Variants in EBF2 observed in about 807,000 individuals in gnomAD.
EBF2 encodes the protein transcription factor COE2.
EBF2 carries 21 observed loss-of-function variants against 72.8 expected under a neutral mutation model. That is an observed-to-expected ratio of 0.29 (90% CI 0.20 to 0.42). The LOEUF (loss-of-function observed/expected upper bound fraction) is 0.42, where lower values mean the gene tolerates loss of function less well. Among genes scored for constraint, EBF2 ranks in the 10% least tolerant of loss-of-function variants. The pLI is 1.00. For synonymous variants in EBF2, 299 were observed against 274.2 expected (o/e 1.09, Z -0.89); for missense variants, 637 against 731.2 (o/e 0.87, Z 1.49).
chr8:26,033,209 A>C, intron 5 of EBF2, 56 bp from the exon 6 acceptor site: 1 of 1,537,026 alleles, frequency 6.5e-7, no homozygotes, highest in Non-Finnish European at 9.0e-7. Context: ...AAGAAAATGC[A>C]ATGAGCACAT....
At chr8:25,922,265 A>AC (rs985856549) in intron 6 of EBF2, among the ~76,000 whole-genome samples, 3 of 152,084 alleles carry the variant, frequency 2.0e-5, no homozygotes, top group Admixed American at 6.5e-5. Context: ...AAAAAAAACA[A>AC]ACAAAAAAAA....
chr8:25,902,527 T>C (rs1173243305), intron 7 of EBF2, among the ~76,000 whole-genome samples: 2 of 151,976 alleles, frequency 1.3e-5, no homozygotes, highest in Admixed American at 6.5e-5. Flanking sequence ...TAATCAATTA[T>C]TTTAATAATT....
intron 6 of EBF2, among the ~76,000 whole-genome samples, chr8:26,027,261 G>A (rs1181383923): frequency 1.3e-5 from 2 of 152,114 alleles, no homozygotes; most frequent in Admixed American, 1.3e-4. Context: ...GGAAGAACAA[G>A]TACGGCCCAG....
chr8:25,942,509 C>T (rs1803690636), intron 6 of EBF2, among the ~76,000 whole-genome samples: 1 of 152,196 alleles, frequency 6.6e-6, no homozygotes. Context: ...CCCTTGGGGC[C>T]TATCCCCCTT....
chr8:25,967,962 TAC>T (rs1804139360), intron 6 of EBF2, among the ~76,000 whole-genome samples: 1 of 152,234 alleles, frequency 6.6e-6, no homozygotes, highest in African/African-American at 2.4e-5. Flanking sequence ...ACAGAATATA[TAC>T]ACACAATATG....
intron 6 of EBF2, among the ~76,000 whole-genome samples, chr8:26,006,094 T>G (rs1233836043): frequency 6.6e-6 from 1 of 152,128 alleles, no homozygotes; most frequent in Non-Finnish European, 1.5e-5. Context: ...AATAAAAAGT[T>G]AAAACATACT....
intron 6 of EBF2, among the ~76,000 whole-genome samples, chr8:25,941,092 A>C (rs909266762): frequency 2.0e-5 from 3 of 152,194 alleles, no homozygotes; most frequent in Non-Finnish European, 2.9e-5. Context: ...GGAGTATGAC[A>C]TCAAATCTCA....
At chr8:26,004,121 A>AG (rs1804788221) in intron 6 of EBF2, among the ~76,000 whole-genome samples, 1 of 151,352 alleles carries the variant, frequency 6.6e-6, no homozygotes, top group African/African-American at 2.4e-5. Context: ...AAAAAAGAAA[A>AG]AAAAAAAGGA....
chr8:25,889,618 G>T (rs962121772), intron 8 of EBF2, 134 bp downstream of exon 8: 1 of 678,982 alleles, frequency 1.5e-6, no homozygotes, highest in Non-Finnish European at 2.5e-6. Flanking sequence ...TTACAACTTC[G>T]TTTAAAAAAA....
intron 14 of EBF2, chr8:25,858,064 C>A (rs1206322850): frequency 8.0e-6 from 5 of 625,350 alleles, no homozygotes; most frequent in African/African-American, 5.4e-5. Context: ...CTTACACAGG[C>A]CACACATGCT....
In EBF2 at chr8:26,045,044, G is replaced by T. The variant is rs1805680744; in HGVS notation, c.-185C>A. The T allele has an allele frequency of 3.2e-6, 2 of 616,646 alleles. No homozygotes were observed. Among genetic ancestry groups the T allele is most frequent in the African/African-American group, 3.7e-5 (2 of 54,220 alleles). 38.2% of individuals were successfully genotyped at this position (616,646 alleles called of 1,614,324 possible). A position where few individuals can be genotyped will look rare whatever the true frequency, so the allele number is the denominator to read the frequency against. On this transcript the variant is annotated 5_prime_UTR_variant, in exon 1 of 16. Coordinates refer to ENST00000520164, the MANE Select transcript of EBF2 (RefSeq NM_022659.4). ...TCCTTTGCTTCACTGGCGAGGTGCG[G>T]ACTGATGTAGTCAAAGTTTGGGTTC...
chr8:26,040,180 A>G (rs910043835), intron 4 of EBF2, 79 bp from the exon 5 acceptor site: 1 of 1,452,862 alleles, frequency 6.9e-7, no homozygotes, highest in African/African-American at 1.4e-5. Context: ...CAGAACAAGC[A>G]CAACATCGCT....
chr8:25,889,711 G>T, intron 8 of EBF2, 41 bp downstream of exon 8: 1 of 1,491,734 alleles, frequency 6.7e-7, no homozygotes, highest in South Asian at 1.1e-5. Flanking sequence ...AATTCGTGGA[G>T]AATTTCATGT....
chr8:25,993,999 T>C (rs1414259502), intron 6 of EBF2, among the ~76,000 whole-genome samples: 1 of 152,078 alleles, frequency 6.6e-6, no homozygotes, highest in Non-Finnish European at 1.5e-5. Flanking sequence ...GTATTCAAAG[T>C]GTCAGAAAAC....
chr8:25,915,313 C>T (rs995964928), intron 6 of EBF2, among the ~76,000 whole-genome samples: 4 of 151,076 alleles, frequency 2.6e-5, no homozygotes, highest in Non-Finnish European at 4.4e-5. Flanking sequence ...CATGTTGCCA[C>T]GCGGCACTGT....
rs1041027174 is a variant in EBF2 at position 25,844,034 on chromosome 8, T to C, written c.*575A>G. The C allele has an allele frequency of 2.6e-5, 4 of 152,238 alleles. No individual in the cohort carries two copies. The highest frequency in any genetic ancestry group is 9.7e-5 in the African/African-American group (4 of 41,214). 9.4% of individuals were successfully genotyped at this position (152,238 alleles called of 1,614,324 possible). A position where few individuals can be genotyped will look rare whatever the true frequency, so the allele number is the denominator to read the frequency against. The stretch of plus-strand genomic sequence containing the variant: ...TATTTATTTAAATAATTGTAAAACA[T>C]TTTAAAATTTTTCCCTTTTTTTGTT... On this transcript the variant is annotated 3_prime_UTR_variant, in exon 16 of 16. Coordinates refer to ENST00000520164, the MANE Select transcript of EBF2 (RefSeq NM_022659.4).
At chr8:25,920,857 C>T (rs1803297336) in intron 6 of EBF2, among the ~76,000 whole-genome samples, 1 of 152,098 alleles carries the variant, frequency 6.6e-6, no homozygotes, top group Admixed American at 6.6e-5. Context: ...TTTGCTCTCT[C>T]CCAAGTTTCC....
chr8:25,886,681 A>T (rs1432458089), intron 10 of EBF2, 74 bp downstream of exon 10: 67 of 1,477,234 alleles, frequency 4.5e-5, no homozygotes, highest in South Asian at 7.6e-5. Context: ...GGACGATTAC[A>T]AAGTGCAGAT....
intron 10 of EBF2, among the ~76,000 whole-genome samples, chr8:25,863,989 T>G (rs149849403): frequency 6.6e-6 from 1 of 152,300 alleles, no homozygotes; most frequent in East Asian, 1.9e-4. Flanking sequence ...TCCTGCATAT[T>G]TTTCTATGAC....
Sources: allele counts gnomAD v4.1 joint callset (sites outside exome capture counted in the v4.1 genomes callset), GRCh38; gene constraint gnomAD v4.1.1; transcripts MANE v1.5; gene names NCBI Gene and HGNC (gene_info 2026-07-23, HGNC 2026-07-21).